Variants in ANKRD46 observed in about 807,000 individuals in gnomAD.
ANKRD46 encodes the protein ankyrin repeat domain-containing protein 46.
A neutral mutation model predicts 19.8 loss-of-function variants in ANKRD46; 13 were observed. The ratio of observed to expected loss-of-function variants is 0.66; its 90% CI spans 0.43 to 1.04. The LOEUF (loss-of-function observed/expected upper bound fraction) is 1.04. ANKRD46 is among the 50% of genes least tolerant of loss of function. The pLI is 0.00. For synonymous variants in ANKRD46, 91 were observed against 106.9 expected (o/e 0.85, Z 0.92); for missense variants, 185 against 274.8 (o/e 0.67, Z 2.31).
chr8:100,542,585 T>C (rs922214353), intron 1 of ANKRD46, among the ~76,000 whole-genome samples: 2 of 152,154 alleles, frequency 1.3e-5, no homozygotes, highest in African/African-American at 4.8e-5. Flanking sequence ...GCTCTTTTCC[T>C]GCTGTCCCTG....
rs1811918561 is a variant in ANKRD46, at chr8:100,529,733, C to A, written c.101G>T (p.Ser34Ile). The A allele has an allele frequency of 6.2e-7, 1 of 1,614,124 alleles. No individual in the cohort carries two copies. The highest frequency in any genetic ancestry group is 8.5e-7 in the Non-Finnish European group (1 of 1,180,062). ...GTCACGAATATTTGGGTCAAAGCCA[C>A]TTTCCAAAAGCCGCTTGGAATAATT... ...DFNYSKRLLE[S>I]GFDPNIRDSR... Residue 34 changes from serine to isoleucine, a missense_variant, in exon 3 of 5, where the codon AGT becomes ATT. Physicochemically the swap from Ser to Ile is moderately radical, Grantham distance 142. Transcript: ENST00000335659. This position sits in a 1 kb window ranked among gnomAD's most constrained non-coding sequence, Gnocchi z 5.8.
At position 100,528,589 on chromosome 8, in the gene ANKRD46, G is replaced by A. The variant is rs566317681; in HGVS notation, c.312-586C>T. On this transcript the variant is annotated intron_variant, in intron 3 of 4. Coordinates refer to ENST00000335659, the MANE Select transcript of ANKRD46 (RefSeq NM_001270377.2). Reference sequence around the variant, plus strand: ...ATAGTCAAAAAAGTGGATAAATCTAGTTCTAGATTCATTCTTATTTGATAT... The same window carrying A: ...ATAGTCAAAAAAGTGGATAAATCTAATTCTAGATTCATTCTTATTTGATAT... Among the ~76,000 whole-genome samples the A allele has an allele frequency of 2.0e-4, 30 of 148,708 alleles. No individual in the cohort carries two copies. In the South Asian group the frequency reaches 6.1e-3, roughly 30 times the overall value.
rs1376720949 is a variant in ANKRD46, at chr8:100,529,227, C to T, written c.311+296G>A. On this transcript the variant is annotated intron_variant, in intron 3 of 4. Transcript: ENST00000335659. This position sits in a 1 kb window ranked among gnomAD's most constrained non-coding sequence, Gnocchi z 5.8. ...GAGCTAACAAGTAAACACAGTCTAGCTCATAGATTTTCAACAAATGTTCTT... is the reference window on the plus strand; with the variant it reads ...GAGCTAACAAGTAAACACAGTCTAGTTCATAGATTTTCAACAAATGTTCTT... Among the ~76,000 whole-genome samples the T allele has an allele frequency of 1.3e-5, 2 of 152,230 alleles. No individual in the cohort carries two copies. The highest frequency in any genetic ancestry group is 6.5e-5 in the Admixed American group (1 of 15,290).
chr8:100,521,379 A>G lies in ANKRD46; in HGVS notation c.*1176T>C. ...TTATCAAGCCTTCATATTCTTTTTT[A>G]ACCACTCAAGAACATAATTCATACA... On this transcript the variant is annotated 3_prime_UTR_variant, in exon 5 of 5. Coordinates refer to ENST00000335659, the MANE Select transcript of ANKRD46 (RefSeq NM_001270377.2). The G allele has an allele frequency of 1.0e-6, 1 of 985,418 alleles. No homozygotes were observed. The highest frequency in any genetic ancestry group is 1.2e-6 in the Non-Finnish European group (1 of 829,902). 61.0% of individuals were successfully genotyped at this position (985,418 alleles called of 1,614,324 possible). A position where few individuals can be genotyped will look rare whatever the true frequency, so the allele number is the denominator to read the frequency against.
chr8:100,519,318 T>A (rs1213013989), downstream of ANKRD46, among the ~76,000 whole-genome samples: 1 of 152,160 alleles, frequency 6.6e-6, no homozygotes, highest in Admixed American at 6.5e-5. Context: ...CTCTTCTCTA[T>A]GTGGTGATAA....
rs1812563410 is a variant in ANKRD46 at position 100,559,207 on chromosome 8, T to G, written c.-131+504A>C. 1 of 152,242 alleles carries G rather than the reference T, an allele frequency of 6.6e-6. No individual in the cohort carries two copies. The highest frequency in any genetic ancestry group is 1.5e-5 in the Non-Finnish European group (1 of 68,062). The allele number at this position is 152,242 out of a possible 1,614,324, so 9.4% of individuals were successfully genotyped here. On this transcript the variant is annotated intron_variant, in intron 1 of 4. Coordinates refer to ENST00000335659, the MANE Select transcript of ANKRD46 (RefSeq NM_001270377.2). This position sits in a 1 kb window ranked among gnomAD's most constrained non-coding sequence, Gnocchi z 6.0. ...TTACCCGAGCCCTAAGTGGAAGGTG[T>G]GCAAATCCTTCCTTTTAACCCGGGC...
At position 100,511,032 on chromosome 8, in the gene ANKRD46, G is replaced by A. The variant is rs1267445204; in HGVS notation, c.637-393C>T. Among the ~76,000 whole-genome samples the A allele has an allele frequency of 6.6e-6, 1 of 152,158 alleles. No individual in the cohort carries two copies. The highest frequency in any genetic ancestry group is 1.5e-5 in the Non-Finnish European group (1 of 68,022). ...ATAAATGCTTCCTAATGCAGCACAG[G>A]GCAGAGCTCTAGATTGTGCTTGGCC... On this transcript the variant is annotated intron_variant, in intron 5 of 5. Transcript: ENST00000520552. The surrounding 1 kb of genome is among the most constrained non-coding windows in gnomAD (Gnocchi z 4.1).
Position 100,520,873 on chromosome 8 carries a change from A to C in ANKRD46, c.*1682T>G. The C allele has an allele frequency of 1.0e-6, 1 of 984,566 alleles. No homozygotes were observed. The allele number at this position is 984,566 out of a possible 1,614,324, so 61.0% of individuals were successfully genotyped here. On this transcript the variant is annotated 3_prime_UTR_variant, in exon 5 of 5. Transcript: ENST00000335659. ...CACATAAAAGGAACCATTAATCTTTAAAAATGCTATATACTTACATTTTGA... is the reference window on the plus strand; with the variant it reads ...CACATAAAAGGAACCATTAATCTTTCAAAATGCTATATACTTACATTTTGA...
At chr8:100,552,380 G>C (rs891392159) in intron 1 of ANKRD46, among the ~76,000 whole-genome samples, 1 of 146,652 alleles carries the variant, frequency 6.8e-6, no homozygotes, top group Non-Finnish European at 1.5e-5. Flanking sequence ...ATACTTTGGC[G>C]CTTTTTTTTT....
intron 1 of ANKRD46, among the ~76,000 whole-genome samples, chr8:100,539,773 G>A (rs1487702067): frequency 6.6e-6 from 1 of 152,194 alleles, no homozygotes; most frequent in African/African-American, 2.4e-5. Context: ...CACTAGCCAG[G>A]TGCAGTGGCT....
downstream of ANKRD46, among the ~76,000 whole-genome samples, chr8:100,518,942 T>C (rs758718015): frequency 1.6e-4 from 24 of 152,356 alleles, no homozygotes; most frequent in South Asian, 4.1e-4. Context: ...TAGGTTCAGA[T>C]ATCTAAAATT....
chr8:100,540,837 G>C (rs1586794778), intron 1 of ANKRD46, among the ~76,000 whole-genome samples: 1 of 152,112 alleles, frequency 6.6e-6, no homozygotes. Flanking sequence ...ATTTTACCAT[G>C]TTTAAAATTC....
At chr8:100,531,231 T>C (rs1319830356) in intron 2 of ANKRD46, among the ~76,000 whole-genome samples, 1 of 152,218 alleles carries the variant, frequency 6.6e-6, no homozygotes, top group African/African-American at 2.4e-5. Context: ...GATGGCTTTT[T>C]TATTCTTAGG....
intron 1 of ANKRD46, among the ~76,000 whole-genome samples, chr8:100,547,452 C>T (rs997172345): frequency 6.6e-6 from 1 of 152,128 alleles, no homozygotes; most frequent in Non-Finnish European, 1.5e-5. Context: ...CCGAGGCCTC[C>T]CCAGCCATGA....
At chr8:100,518,655 T>A (rs1385618871), downstream of ANKRD46, among the ~76,000 whole-genome samples, 4 of 151,944 alleles carry the variant, frequency 2.6e-5, no homozygotes, top group African/African-American at 9.7e-5. Flanking sequence ...ATCGAGACCA[T>A]CCTGGCTAAC....
Position 100,545,623 on chromosome 8 carries a change from T to A in ANKRD46, c.-130-12312A>T, listed in dbSNP as rs993937680. Among the ~76,000 whole-genome samples, 3 of 152,060 alleles carry A rather than the reference T, an allele frequency of 2.0e-5. No individual in the cohort carries two copies. The highest frequency in any genetic ancestry group is 4.4e-5 in the Non-Finnish European group (3 of 67,994). Reference sequence around the variant, plus strand: ...TAATACAGAGAATTAGTACCAGGAGTAGGGCACTGCTATAAAAATAACCTG... The same window carrying A: ...TAATACAGAGAATTAGTACCAGGAGAAGGGCACTGCTATAAAAATAACCTG... On this transcript the variant is annotated intron_variant, in intron 1 of 4. Transcript: ENST00000335659. This position sits in a 1 kb window ranked among gnomAD's most constrained non-coding sequence, Gnocchi z 4.7.
At chr8:100,553,034 T>G (rs1423544774) in intron 1 of ANKRD46, among the ~76,000 whole-genome samples, 1 of 152,234 alleles carries the variant, frequency 6.6e-6, no homozygotes, top group African/African-American at 2.4e-5. Context: ...TGCACTGATA[T>G]TTAACTCTCT....
In ANKRD46 at chr8:100,545,426, C is replaced by T. The variant is rs1221474205; in HGVS notation, c.-130-12115G>A. On this transcript the variant is annotated intron_variant, in intron 1 of 4. Coordinates refer to ENST00000335659, the MANE Select transcript of ANKRD46 (RefSeq NM_001270377.2). The surrounding 1 kb of genome is among the most constrained non-coding windows in gnomAD (Gnocchi z 4.7). ...GTTTTAAAATTGGTCGTTTCCCCTA[C>T]ACATTCTCTCTTGCCGCCATGTAAG... Among the ~76,000 whole-genome samples, 2 of 152,182 alleles carry T rather than the reference C, an allele frequency of 1.3e-5. No homozygotes were observed. The highest frequency in any genetic ancestry group is 2.9e-5 in the Non-Finnish European group (2 of 68,014).
At chr8:100,548,083 G>T in intron 1 of ANKRD46, among the ~76,000 whole-genome samples, 1 of 150,514 alleles carries the variant, frequency 6.6e-6, no homozygotes, top group Non-Finnish European at 1.5e-5. Context: ...TTCCACTTCT[G>T]CCTCTCTACA....
Sources: gnomAD v4.1 joint callset for allele counts (sites outside exome capture counted in the v4.1 genomes callset) on GRCh38, gnomAD v4.1.1 for gene constraint, Gnocchi (gnomAD v3.1) non-coding constraint, MANE v1.5 for transcripts, NCBI Gene and HGNC (gene_info 2026-07-23, HGNC 2026-07-21) for gene names.